The following OLFM3 variants were observed in gnomAD, a reference collection of about 807,000 sequenced individuals.
The protein encoded by OLFM3 is noelin-3.
A neutral mutation model predicts 48.6 loss-of-function variants in OLFM3; 20 were observed. The ratio of observed to expected loss-of-function variants is 0.41; its 90% CI spans 0.29 to 0.60. The LOEUF (loss-of-function observed/expected upper bound fraction) is 0.60, where lower values mean the gene tolerates loss of function less well. Ranked by LOEUF, OLFM3 falls within the 20% of genes least tolerant of loss-of-function variation. The probability of loss-of-function intolerance (pLI) is 0.28; values close to 1 mark genes in which losing one functional copy is unlikely to be tolerated. For missense variants in OLFM3, 437 were observed against 544.3 expected (o/e 0.80, Z 1.96); for synonymous variants, 222 against 198.1 (o/e 1.12, Z -1.01).
intron 1 of OLFM3, among the ~76,000 whole-genome samples, chr1:101,989,589 T>A (rs1661342733): frequency 9.4e-6 from 1 of 106,650 alleles, no homozygotes; most frequent in Non-Finnish European, 2.3e-5. Flanking sequence ...CCTTTTGTAT[T>A]TTTTTTTACC....
At chr1:101,869,956 G>A (rs894169252) in intron 1 of OLFM3, among the ~76,000 whole-genome samples, 3 of 152,024 alleles carry the variant, frequency 2.0e-5, no homozygotes, top group Admixed American at 6.6e-5. Flanking sequence ...ACCCAGTCTC[G>A]AGCAGTTCTT....
intron 1 of OLFM3, among the ~76,000 whole-genome samples, chr1:101,983,527 C>T (rs1489157019): frequency 6.6e-6 from 1 of 152,174 alleles, no homozygotes; most frequent in African/African-American, 2.4e-5. Flanking sequence ...TCTTTATAAA[C>T]ATGTTTTATG....
At chr1:101,960,544 C>G (rs1417640375) in intron 1 of OLFM3, among the ~76,000 whole-genome samples, 1 of 152,144 alleles carries the variant, frequency 6.6e-6, no homozygotes, top group Non-Finnish European at 1.5e-5. Context: ...TATGAGCTAC[C>G]TAGTGTTACA....
chr1:101,966,885 G>C (rs543905968), intron 1 of OLFM3, among the ~76,000 whole-genome samples: 1 of 152,066 alleles, frequency 6.6e-6, no homozygotes, highest in African/African-American at 2.4e-5. Context: ...TCTGAGAGTT[G>C]GATAAAATTC....
intron 1 of OLFM3, 114 bp downstream of exon 1, chr1:101,996,634 G>A (rs971863577): frequency 2.9e-6 from 3 of 1,028,484 alleles, no homozygotes; most frequent in Non-Finnish European, 4.5e-6. Context: ...GACACCATAA[G>A]GTAGCTGAAA....
intron 1 of OLFM3, among the ~76,000 whole-genome samples, chr1:101,964,353 C>T (rs1660553244): frequency 6.6e-6 from 1 of 152,042 alleles, no homozygotes; most frequent in Admixed American, 6.6e-5. Flanking sequence ...TATACCACAA[C>T]AAAGGGTTTG....
intron 1 of OLFM3, among the ~76,000 whole-genome samples, chr1:101,895,724 G>C (rs2182764): frequency 0.27 from 40,994 of 151,782 alleles, 5,736 homozygotes; most frequent in East Asian, 0.36. Context: ...TAATTCAATG[G>C]GCTATGAACA....
At chr1:101,980,469 T>G (rs939183868) in intron 1 of OLFM3, among the ~76,000 whole-genome samples, 1 of 152,134 alleles carries the variant, frequency 6.6e-6, no homozygotes, top group African/African-American at 2.4e-5. Context: ...TGAGATTTGA[T>G]GGTTTTATAA....
intron 1 of OLFM3, among the ~76,000 whole-genome samples, chr1:101,989,904 T>G (rs1661352719): frequency 6.6e-6 from 1 of 152,160 alleles, no homozygotes; most frequent in Non-Finnish European, 1.5e-5. Flanking sequence ...TGACCTTCCC[T>G]CCTTAATATT....
At chr1:101,924,385 C>T (rs902484209) in intron 1 of OLFM3, among the ~76,000 whole-genome samples, 1 of 152,058 alleles carries the variant, frequency 6.6e-6, no homozygotes, top group African/African-American at 2.4e-5. Flanking sequence ...TTTGTTTCGA[C>T]ATTGAATCTG....
intron 1 of OLFM3, among the ~76,000 whole-genome samples, chr1:101,880,059 C>G (rs913612541): frequency 6.6e-6 from 1 of 151,796 alleles, no homozygotes; most frequent in African/African-American, 2.4e-5. Context: ...ATAATTATGT[C>G]TAGACATGTG....
At chr1:101,808,377 G>C (rs1195098148) in intron 4 of OLFM3, among the ~76,000 whole-genome samples, 2 of 151,582 alleles carry the variant, frequency 1.3e-5, no homozygotes, top group African/African-American at 2.4e-5. Context: ...GATGAAGATG[G>C]AATAAGATGC....
chr1:101,949,040 C>A lies in OLFM3; in HGVS notation c.69+47708G>T, dbSNP rs1407731767. Among the ~76,000 whole-genome samples the A allele has an allele frequency of 2.0e-5, 3 of 151,542 alleles. No individual in the cohort carries two copies. In the East Asian group the frequency reaches 5.8e-4, roughly 29 times the overall value. On this transcript the variant is annotated intron_variant, in intron 1 of 5. Transcript: ENST00000370103. The stretch of plus-strand genomic sequence containing the variant: ...TTTAATGTCACATATAAAAAAAGTT[C>A]TTCCTATGTATTTGGAATGAAATTA...
intron 1 of OLFM3, among the ~76,000 whole-genome samples, chr1:101,909,754 TG>T (rs1658685585): frequency 6.6e-6 from 1 of 152,214 alleles, no homozygotes; most frequent in Non-Finnish European, 1.5e-5. Flanking sequence ...TAAATTTTGA[TG>T]CTGGTAAGTT....
chr1:101,868,077 G>A (rs1187463944), intron 1 of OLFM3, among the ~76,000 whole-genome samples: 1 of 152,114 alleles, frequency 6.6e-6, no homozygotes, highest in East Asian at 1.9e-4. Flanking sequence ...AGAACTGTGA[G>A]TCAGTTAAAT....
intron 1 of OLFM3, among the ~76,000 whole-genome samples, chr1:101,863,367 A>C (rs945542120): frequency 3.3e-5 from 5 of 152,224 alleles, no homozygotes; most frequent in Non-Finnish European, 5.9e-5. Flanking sequence ...TTTCTGCTGC[A>C]CCAGCCAAGA....
chr1:101,918,011 T>C (rs1022520395), intron 1 of OLFM3, among the ~76,000 whole-genome samples: 1 of 152,234 alleles, frequency 6.6e-6, no homozygotes, highest in Non-Finnish European at 1.5e-5. Flanking sequence ...CATTTTATCG[T>C]TCTTCCCTTT....
At chr1:101,960,746 C>T (rs1660443400) in intron 1 of OLFM3, among the ~76,000 whole-genome samples, 1 of 152,066 alleles carries the variant, frequency 6.6e-6, no homozygotes, top group South Asian at 2.1e-4. Context: ...GGTATCTCAA[C>T]CCCTCTACAG....
intron 1 of OLFM3, chr1:101,847,146 T>C: frequency 1.3e-6 from 1 of 761,540 alleles, no homozygotes; most frequent in Middle Eastern, 6.6e-4. Context: ...TCGTGGGAAG[T>C]GCCCTGCCCT....
Sources: allele counts gnomAD v4.1 joint callset (sites outside exome capture counted in the v4.1 genomes callset), GRCh38; gene constraint gnomAD v4.1.1; transcripts MANE v1.5; gene names NCBI Gene and HGNC (gene_info 2026-07-23, HGNC 2026-07-21).